Variants in ANO3 observed in about 807,000 individuals in gnomAD.
ANO3 encodes anoctamin-3.
ANO3 carries 99 observed loss-of-function variants against 144.8 expected under a neutral mutation model. That is an observed-to-expected ratio of 0.68 (90% CI 0.58 to 0.81). The LOEUF (loss-of-function observed/expected upper bound fraction) is 0.81. Among genes scored for constraint, ANO3 ranks in the 30% least tolerant of loss-of-function variants. The pLI is 0.00. For missense variants in ANO3, 905 were observed against 1,202.2 expected, an observed-to-expected ratio of 0.75 and a Z score of 3.66; for synonymous variants, 414 against 392.6, an observed-to-expected ratio of 1.05 and a Z score of -0.64.
chr11:26,269,887 AG>A (rs1853404416), intron 1 of ANO3, among the ~76,000 whole-genome samples: 1 of 152,198 alleles, frequency 6.6e-6, no homozygotes, highest in African/African-American at 2.4e-5. Context: ...AGGGTCTTTA[AG>A]GGGTAATTAA....
At chr11:26,496,589 T>C (rs181512069) in intron 4 of ANO3, among the ~76,000 whole-genome samples, 15 of 152,292 alleles carry the variant, frequency 9.8e-5, no homozygotes, top group Non-Finnish European at 2.1e-4. Flanking sequence ...TACATTGATA[T>C]ATTATGTAGT....
chr11:26,398,353 G>A (rs1487631463), intron 1 of ANO3, among the ~76,000 whole-genome samples: 1 of 152,066 alleles, frequency 6.6e-6, no homozygotes. Flanking sequence ...AAAGGCTCCT[G>A]TGAGTATAGG....
At chr11:26,419,401 CAG>C (rs1262963326) in intron 1 of ANO3, among the ~76,000 whole-genome samples, 4 of 152,070 alleles carry the variant, frequency 2.6e-5, no homozygotes, top group African/African-American at 9.7e-5. Context: ...TCTATTGGGT[CAG>C]AGTTTTATCT....
chr11:26,243,347 T>C (rs1343288001), intron 1 of ANO3, among the ~76,000 whole-genome samples: 1 of 152,124 alleles, frequency 6.6e-6, no homozygotes, highest in African/African-American at 2.4e-5. Context: ...GGCTTTTTTT[T>C]TTCACAGGAC....
At chr11:26,406,097 C>T (rs6484206) in intron 1 of ANO3, among the ~76,000 whole-genome samples, 96,940 of 151,798 alleles carry the variant, frequency 0.64, 33,679 homozygotes, top group Admixed American at 0.78. Flanking sequence ...GGTGCTATAA[C>T]AGAATATCAC....
intron 4 of ANO3, chr11:26,474,117 A>C: frequency 1.0e-6 from 1 of 984,932 alleles, no homozygotes; most frequent in South Asian, 4.7e-5. Flanking sequence ...TGAACTCAGA[A>C]TTCTGACTGT....
chr11:26,443,188 G>A (rs1590363111), intron 2 of ANO3, among the ~76,000 whole-genome samples: 1 of 152,092 alleles, frequency 6.6e-6, no homozygotes, highest in East Asian at 1.9e-4. Flanking sequence ...CAATACTATT[G>A]TGAAATCACT....
intron 1 of ANO3, chr11:26,207,898 G>GAC (rs1851841107): frequency 7.5e-6 from 1 of 133,876 alleles, no homozygotes; most frequent in Non-Finnish European, 1.7e-5. Context: ...AATAAATATT[G>GAC]TCAGTTACTT....
intron 3 of ANO3, among the ~76,000 whole-genome samples, chr11:26,452,153 G>A (rs1858968647): frequency 6.6e-6 from 1 of 152,142 alleles, no homozygotes; most frequent in Non-Finnish European, 1.5e-5. Flanking sequence ...CAGAAAAACT[G>A]GAAACTCTAA....
At chr11:26,576,071 T>C (rs192751305) in intron 14 of ANO3, among the ~76,000 whole-genome samples, 2 of 152,336 alleles carry the variant, frequency 1.3e-5, no homozygotes, top group African/African-American at 4.8e-5. Flanking sequence ...GTGTTAGCAC[T>C]CTGGGGCTCT....
intron 18 of ANO3, among the ~76,000 whole-genome samples, chr11:26,633,142 C>T (rs1852839715): frequency 6.6e-6 from 1 of 152,142 alleles, no homozygotes; most frequent in South Asian, 2.1e-4. Context: ...ATCTATTTTC[C>T]ATCTTTATTG....
intron 1 of ANO3, among the ~76,000 whole-genome samples, chr11:26,348,025 T>C (rs1191427013): frequency 6.6e-6 from 1 of 152,176 alleles, no homozygotes; most frequent in Non-Finnish European, 1.5e-5. Flanking sequence ...CTCGAAAATA[T>C]CCACCTCAAA....
intron 1 of ANO3, among the ~76,000 whole-genome samples, chr11:26,422,273 T>C (rs1857774071): frequency 6.6e-6 from 1 of 152,038 alleles, no homozygotes; most frequent in African/African-American, 2.4e-5. Context: ...CAATTTTCTC[T>C]TTGAAGTTTT....
intron 1 of ANO3, among the ~76,000 whole-genome samples, chr11:26,410,273 T>C (rs1857396349): frequency 6.6e-6 from 1 of 151,926 alleles, no homozygotes; most frequent in Non-Finnish European, 1.5e-5. Context: ...ATATAACAGC[T>C]AAGTAGACAC....
At chr11:26,297,693 G>T (rs117803679) in intron 1 of ANO3, among the ~76,000 whole-genome samples, 2,374 of 152,104 alleles carry the variant, frequency 0.016, 41 homozygotes, top group South Asian at 0.025. Context: ...TCATTCAGAG[G>T]GTTACTACTA....
intron 7 of ANO3, among the ~76,000 whole-genome samples, chr11:26,526,397 G>C (rs1254496360): frequency 6.6e-6 from 1 of 152,060 alleles, no homozygotes; most frequent in South Asian, 2.1e-4. Flanking sequence ...ACCCTTGGCC[G>C]TTTTCTGCAC....
intron 14 of ANO3, among the ~76,000 whole-genome samples, chr11:26,591,435 A>G (rs1309908864): frequency 1.3e-5 from 2 of 152,194 alleles, no homozygotes; most frequent in African/African-American, 2.4e-5. Context: ...TTGAAGAACC[A>G]TTTGTAGTTT....
At chr11:26,248,335 C>T (rs1852846824) in intron 1 of ANO3, among the ~76,000 whole-genome samples, 1 of 151,676 alleles carries the variant, frequency 6.6e-6, no homozygotes, top group Non-Finnish European at 1.5e-5. Context: ...GAGGCTCTGT[C>T]TCAAAATAAA....
At chr11:26,314,465 T>C (rs1854575306) in intron 1 of ANO3, among the ~76,000 whole-genome samples, 1 of 152,206 alleles carries the variant, frequency 6.6e-6, no homozygotes, top group Admixed American at 6.5e-5. Context: ...TGCTTTTTCA[T>C]TGTAAATGGG....
Sources: gnomAD v4.1 joint callset for allele counts (sites outside exome capture counted in the v4.1 genomes callset) on GRCh38, gnomAD v4.1.1 for gene constraint, MANE v1.5 for transcripts, NCBI Gene and HGNC (gene_info 2026-07-23, HGNC 2026-07-21) for gene names.